The following LRRC4C variants were observed in gnomAD, a reference collection of about 807,000 sequenced individuals.
LRRC4C encodes leucine rich repeat containing 4C.
LRRC4C carries 5 observed loss-of-function variants against 33.6 expected under a neutral mutation model. The observed-to-expected ratio is 0.15, with a 90% confidence interval of 0.08 to 0.31. LRRC4C has a LOEUF of 0.31. LRRC4C is among the 10% of genes least tolerant of loss of function. LRRC4C has a pLI of 1.00. For synonymous variants in LRRC4C, 329 were observed against 302.0 expected (o/e 1.09, Z -0.93); for missense variants, 560 against 796.7 (o/e 0.70, Z 3.58).
intron 3 of LRRC4C, among the ~76,000 whole-genome samples, chr11:40,511,144 G>T (rs1955295811): frequency 6.6e-6 from 1 of 152,066 alleles, no homozygotes; most frequent in Admixed American, 6.6e-5. Context: ...ACCTCAAATG[G>T]GAGAAGTACA....
chr11:41,237,226 G>A (rs915610203), intron 1 of LRRC4C, among the ~76,000 whole-genome samples: 4 of 152,174 alleles, frequency 2.6e-5, no homozygotes, highest in South Asian at 2.1e-4. Flanking sequence ...GAAAGCAGGT[G>A]TTACTGTTTT....
At chr11:41,237,192 A>G (rs577956698) in intron 1 of LRRC4C, among the ~76,000 whole-genome samples, 61 of 152,266 alleles carry the variant, frequency 4.0e-4, no homozygotes, top group Non-Finnish European at 7.1e-4. Context: ...AAATAGAGAA[A>G]ATGATTTTGA....
chr11:40,966,176 TAC>T (rs1851347421), intron 1 of LRRC4C, among the ~76,000 whole-genome samples: 1 of 151,990 alleles, frequency 6.6e-6, no homozygotes, highest in South Asian at 2.1e-4. Context: ...ATTAGCATGT[TAC>T]AGGCTCATCC....
intron 6 of LRRC4C, among the ~76,000 whole-genome samples, chr11:40,131,519 A>G (rs1856641854): frequency 6.6e-6 from 1 of 152,164 alleles, no homozygotes; most frequent in Non-Finnish European, 1.5e-5. Context: ...TGGCCTCAAG[A>G]AAAGGTTGAT....
At chr11:40,515,652 G>T (rs922612260) in intron 3 of LRRC4C, among the ~76,000 whole-genome samples, 2 of 151,998 alleles carry the variant, frequency 1.3e-5, no homozygotes, top group Admixed American at 1.3e-4. Flanking sequence ...GTACTAGACT[G>T]TAAGACTTAG....
At chr11:41,004,644 G>A (rs1854608920) in intron 1 of LRRC4C, among the ~76,000 whole-genome samples, 1 of 152,112 alleles carries the variant, frequency 6.6e-6, no homozygotes, top group Non-Finnish European at 1.5e-5. Context: ...ACATAGCACA[G>A]TAGTTGACTT....
At chr11:40,324,830 G>A (rs745322651) in intron 3 of LRRC4C, among the ~76,000 whole-genome samples, 1 of 152,106 alleles carries the variant, frequency 6.6e-6, no homozygotes, top group Non-Finnish European at 1.5e-5. Flanking sequence ...CGTAAGCTTT[G>A]GATTGGGGAT....
intron 3 of LRRC4C, among the ~76,000 whole-genome samples, chr11:40,369,087 T>G (rs2137241923): frequency 6.6e-6 from 1 of 152,326 alleles, no homozygotes; most frequent in Admixed American, 6.5e-5. Flanking sequence ...ACTCAATGTT[T>G]ATCTATTGAT....
intron 3 of LRRC4C, among the ~76,000 whole-genome samples, chr11:40,599,521 T>G (rs1178157380): frequency 2.0e-5 from 3 of 152,184 alleles, no homozygotes; most frequent in Admixed American, 1.3e-4. Context: ...GTATCCTGTC[T>G]CATTTTTTGA....
intron 2 of LRRC4C, among the ~76,000 whole-genome samples, chr11:40,873,012 G>A (rs985920110): frequency 6.6e-6 from 1 of 152,042 alleles, no homozygotes; most frequent in Non-Finnish European, 1.5e-5. Context: ...TGCAGATGAG[G>A]GGAAAAATAT....
intron 3 of LRRC4C, among the ~76,000 whole-genome samples, chr11:40,535,139 G>A (rs1956419018): frequency 6.6e-6 from 1 of 152,140 alleles, no homozygotes; most frequent in Non-Finnish European, 1.5e-5. Context: ...TAAGTTTGGA[G>A]TTATAGTCAT....
chr11:41,415,363 C>T (rs1474268206), intron 1 of LRRC4C, among the ~76,000 whole-genome samples: 1 of 152,082 alleles, frequency 6.6e-6, no homozygotes, highest in East Asian at 1.9e-4. Context: ...TCATAGTAAA[C>T]TAATTTCCAA....
chr11:40,902,146 G>A (rs1457580600), intron 2 of LRRC4C, among the ~76,000 whole-genome samples: 1 of 151,634 alleles, frequency 6.6e-6, no homozygotes, highest in African/African-American at 2.4e-5. Flanking sequence ...TGAACAATTC[G>A]ATCGGTGGTG....
In LRRC4C at chr11:41,042,387, TATGTTCCTACACAAAACAAA is replaced by T. The variant is rs1857494446; in HGVS notation, c.-495-108684_-495-108665del. ...GAGTCCCTTTACAGGCATCTAACTTTATGTTCCTACACAAAACAAAATTTTCTCTAATTTACAATGTTAAG... is the reference window on the plus strand; with the variant it reads ...GAGTCCCTTTACAGGCATCTAACTTTATTTTCTCTAATTTACAATGTTAAG... On this transcript the variant is annotated intron_variant, in intron 1 of 6. Transcript: ENST00000528697. Among the ~76,000 whole-genome samples, 3 of 152,302 alleles carry T rather than the reference TATGTTCCTACACAAAACAAA, an allele frequency of 2.0e-5. No homozygotes were observed. The South Asian group carries it at 6.2e-4, about 32-fold the overall frequency.
At chr11:40,210,121 T>C (rs1863473469) in intron 5 of LRRC4C, among the ~76,000 whole-genome samples, 1 of 151,938 alleles carries the variant, frequency 6.6e-6, no homozygotes, top group South Asian at 2.1e-4. Flanking sequence ...TGTATAAAGA[T>C]TCCATTATGT....
At chr11:41,219,075 A>G (rs1947190974) in intron 1 of LRRC4C, among the ~76,000 whole-genome samples, 1 of 151,970 alleles carries the variant, frequency 6.6e-6, no homozygotes. Flanking sequence ...CCGGCCGCAT[A>G]TGTCACTTAT....
At chr11:40,759,933 A>T (rs1949121948) in intron 2 of LRRC4C, among the ~76,000 whole-genome samples, 1 of 118,440 alleles carries the variant, frequency 8.4e-6, no homozygotes, top group Non-Finnish European at 1.9e-5. Context: ...TGAAGTAGAG[A>T]ATTCAAACAA....
chr11:41,339,814 G>A lies in LRRC4C; in HGVS notation c.-496+119617C>T, dbSNP rs769996726. Among the ~76,000 whole-genome samples the A allele has an allele frequency of 1.2e-3, 185 of 152,068 alleles. 5 individuals carry two copies. Among genetic ancestry groups the A allele is most frequent in the Non-Finnish European group, 4.4e-4 (30 of 68,004 alleles). The stretch of plus-strand genomic sequence containing the variant: ...TCTTGAGTACAAAATCTATGCCTCA[G>A]AATTTTTACAGATAACATCAGAAGA... On this transcript the variant is annotated intron_variant, in intron 1 of 6. Coordinates refer to ENST00000528697, the MANE Select transcript of LRRC4C (RefSeq NM_001258419.2).
intron 2 of LRRC4C, among the ~76,000 whole-genome samples, chr11:40,803,764 C>T (rs895223531): frequency 7.9e-5 from 12 of 152,118 alleles, no homozygotes; most frequent in Admixed American, 3.3e-4. Context: ...TGAGCCACCA[C>T]GCCCGGCCTA....
Sources: gnomAD v4.1 joint callset for allele counts (sites outside exome capture counted in the v4.1 genomes callset) on GRCh38, gnomAD v4.1.1 for gene constraint, MANE v1.5 for transcripts, NCBI Gene and HGNC (gene_info 2026-07-23, HGNC 2026-07-21) for gene names.